The following HEMK2 variants were observed in gnomAD, a reference collection of about 807,000 sequenced individuals.
HEMK2 encodes methyltransferase HEMK2.
the HEMK2 span, among the ~76,000 whole-genome samples, chr21:28,766,907 G>A: frequency 6.6e-6 from 1 of 152,010 alleles, no homozygotes; most frequent in South Asian, 2.1e-4. Context: ...ACTGTACACT[G>A]CTTGGGCAAT....
chr21:28,766,785 G>T, the HEMK2 span, among the ~76,000 whole-genome samples: 2 of 152,198 alleles, frequency 1.3e-5, no homozygotes, highest in East Asian at 3.9e-4. Context: ...ACTTATAAGT[G>T]GGAGCTAAGT....
chr21:28,672,353 A>C, the HEMK2 span, among the ~76,000 whole-genome samples: 1 of 152,062 alleles, frequency 6.6e-6, no homozygotes, highest in Non-Finnish European at 1.5e-5. Context: ...AAGATGTAGA[A>C]AATGGTATTG....
chr21:28,834,964 C>G, the HEMK2 span, among the ~76,000 whole-genome samples: 47 of 152,202 alleles, frequency 3.1e-4, no homozygotes, highest in African/African-American at 1.1e-3. Context: ...AATCTCACCC[C>G]CATCCCCCAC....
chr21:28,629,670 T>C, the HEMK2 span, among the ~76,000 whole-genome samples: 4 of 152,210 alleles, frequency 2.6e-5, no homozygotes, highest in African/African-American at 9.7e-5. Flanking sequence ...TCAAATCTGA[T>C]CCAGGAATAA....
At chr21:28,606,865 T>C in the HEMK2 span, among the ~76,000 whole-genome samples, 1 of 152,188 alleles carries the variant, frequency 6.6e-6, no homozygotes, top group Non-Finnish European at 1.5e-5. Flanking sequence ...ACAAAGAAAT[T>C]GCTATCTTAA....
chr21:28,757,887 G>A, the HEMK2 span, among the ~76,000 whole-genome samples: 2 of 152,148 alleles, frequency 1.3e-5, no homozygotes, highest in South Asian at 2.1e-4. Flanking sequence ...AGGAAATACA[G>A]CAGATAAGGC....
the HEMK2 span, among the ~76,000 whole-genome samples, chr21:28,819,921 G>A: frequency 6.6e-6 from 1 of 151,922 alleles, no homozygotes; most frequent in Non-Finnish European, 1.5e-5. Context: ...TCTCACCTAA[G>A]GTACATGACT....
chr21:28,829,731 T>A, the HEMK2 span, among the ~76,000 whole-genome samples: 4,024 of 152,260 alleles, frequency 0.026, 180 homozygotes, highest in African/African-American at 0.092. Flanking sequence ...GTTAATTATG[T>A]CCTCTCAAAG....
chr21:28,601,640 C>G, the HEMK2 span, among the ~76,000 whole-genome samples: 4 of 141,202 alleles, frequency 2.8e-5, no homozygotes, highest in African/African-American at 1.1e-4. Context: ...CTCTCTCTCT[C>G]TCTCTTTCTG....
At chr21:28,876,451 T>A in the HEMK2 span, 1 of 1,610,554 alleles carries the variant, frequency 6.2e-7, no homozygotes, top group South Asian at 1.1e-5. Flanking sequence ...GTGCAGTGGT[T>A]CCTTGCAGAC....
chr21:28,720,278 C>T, the HEMK2 span, among the ~76,000 whole-genome samples: 1 of 152,188 alleles, frequency 6.6e-6, no homozygotes, highest in South Asian at 2.1e-4. Flanking sequence ...GGAGCATAAC[C>T]CTGTATTTCC....
At chr21:28,865,092 C>T in the HEMK2 span, among the ~76,000 whole-genome samples, 1 of 152,128 alleles carries the variant, frequency 6.6e-6, no homozygotes, top group African/African-American at 2.4e-5. Context: ...CAAGAGGGTC[C>T]TCCATCTCCT....
the HEMK2 span, among the ~76,000 whole-genome samples, chr21:28,801,567 T>C: frequency 2.0e-5 from 3 of 152,004 alleles, no homozygotes; most frequent in East Asian, 5.8e-4. Flanking sequence ...TAGGAAAATT[T>C]GAAAAAATAT....
chr21:28,751,224 C>CT, the HEMK2 span, among the ~76,000 whole-genome samples: 1 of 106,784 alleles, frequency 9.4e-6, no homozygotes, highest in East Asian at 3.3e-4. Flanking sequence ...GAGCAACACT[C>CT]TGTCTCAATG....
the HEMK2 span, among the ~76,000 whole-genome samples, chr21:28,820,175 G>A: frequency 1.3e-5 from 2 of 152,116 alleles, no homozygotes; most frequent in Non-Finnish European, 2.9e-5. Context: ...GGCCTTTAGA[G>A]ATCAACAGAT....
At chr21:28,741,855 G>C in the HEMK2 span, among the ~76,000 whole-genome samples, 2 of 152,008 alleles carry the variant, frequency 1.3e-5, no homozygotes, top group Non-Finnish European at 2.9e-5. Flanking sequence ...TAGTGCTGCA[G>C]TGAACACATG....
chr21:28,792,343 T>C, the HEMK2 span, among the ~76,000 whole-genome samples: 1 of 152,184 alleles, frequency 6.6e-6, no homozygotes, highest in East Asian at 1.9e-4. Context: ...GCTTTCACTT[T>C]ATTGTGTGGA....
At chr21:28,617,361 C>T in the HEMK2 span, among the ~76,000 whole-genome samples, 11,760 of 152,246 alleles carry the variant, frequency 0.077, 579 homozygotes, top group African/African-American at 0.13. Context: ...AATGAAAGAC[C>T]TTGCATGACA....
chr21:28,746,943 A>G, the HEMK2 span, among the ~76,000 whole-genome samples: 12 of 152,332 alleles, frequency 7.9e-5, no homozygotes, highest in South Asian at 8.3e-4. Flanking sequence ...CTCTGAGACT[A>G]TCAAAAAGAT....
Sources: gnomAD v4.1 joint callset for allele counts (sites outside exome capture counted in the v4.1 genomes callset) on GRCh38, gnomAD v4.1.1 for gene constraint, MANE v1.5 for transcripts, NCBI Gene and HGNC (gene_info 2026-07-23, HGNC 2026-07-21) for gene names.